The following ANKFN1 variants were observed in gnomAD, a reference collection of about 807,000 sequenced individuals.
ANKFN1 encodes the protein ankyrin repeat and fibronectin type-III domain-containing protein 1.
A neutral mutation model predicts 108.7 loss-of-function variants in ANKFN1; 74 were observed. That is an observed-to-expected ratio of 0.68 (90% CI 0.56 to 0.83). The LOEUF is 0.83. Among genes scored for constraint, ANKFN1 ranks in the 40% least tolerant of loss-of-function variants. ANKFN1 has a pLI of 0.00. For synonymous variants in ANKFN1, 547 were observed against 516.2 expected, an observed-to-expected ratio of 1.06 and a Z score of -0.81; for missense variants, 1,505 against 1,382.3, an observed-to-expected ratio of 1.09 and a Z score of -1.41.
At chr17:56,183,126 A>T (rs1455330103) in intron 1 of ANKFN1, among the ~76,000 whole-genome samples, 1 of 152,208 alleles carries the variant, frequency 6.6e-6, no homozygotes, top group Non-Finnish European at 1.5e-5. Flanking sequence ...TGTTGTTGTC[A>T]TGCCTGCTAA....
In ANKFN1 at chr17:56,511,131, C is replaced by T. The variant is rs2051750480; in HGVS notation, c.3303C>T (p.Ala1101=). The T allele has an allele frequency of 2.0e-6, 3 of 1,535,998 alleles. No homozygotes were observed. Among genetic ancestry groups the T allele is most frequent in the East Asian group, 4.9e-5 (2 of 40,892 alleles). ...AGCCCTACGCAGCGGCCGTGGTGGC[C>T]CAGGACGAAAAACCATGGGCAAGCT... ...YVEPYAAAVV[A]QDEKPWASLS... The change falls in exon 21 of 21, where the codon GCC becomes GCT. Residue 1101 remains alanine (A), a synonymous_variant. Coordinates refer to ENST00000682825, the MANE Select transcript of ANKFN1 (RefSeq NM_001370326.1).
chr17:56,473,150 T>C (rs1355371300), intron 15 of ANKFN1: 1 of 152,186 alleles, frequency 6.6e-6, no homozygotes, highest in African/African-American at 2.4e-5. Flanking sequence ...ACAAGACTGA[T>C]ACATAGTAAG....
intron 4 of ANKFN1, among the ~76,000 whole-genome samples, chr17:56,067,317 G>C (rs1211648056): frequency 6.6e-6 from 1 of 152,054 alleles, no homozygotes; most frequent in Non-Finnish European, 1.5e-5. Context: ...TTTCTTGACT[G>C]TGTTTATTAC....
intron 15 of ANKFN1, chr17:56,471,179 G>T (rs2050305091): frequency 2.0e-5 from 3 of 152,668 alleles, no homozygotes; most frequent in Non-Finnish European, 2.9e-5. Flanking sequence ...AACTAGAAGA[G>T]GGACCAAACC....
intron 18 of ANKFN1, 37 bp downstream of exon 18, chr17:56,482,561 G>A: frequency 6.3e-7 from 1 of 1,595,686 alleles, no homozygotes; most frequent in African/African-American, 1.3e-5. Flanking sequence ...TATTAACCCA[G>A]CCTCCTTATA....
Position 56,307,671 on chromosome 17 carries a change from G to A in ANKFN1, c.54-18550G>A, listed in dbSNP as rs1236865652. Among the ~76,000 whole-genome samples, 11 of 152,298 alleles carry A rather than the reference G, an allele frequency of 7.2e-5. No individual in the cohort carries two copies. The South Asian group carries it at 1.0e-3, about 14-fold the overall frequency. On this transcript the variant is annotated intron_variant, in intron 3 of 20. Coordinates refer to ENST00000682825, the MANE Select transcript of ANKFN1 (RefSeq NM_001370326.1). ...CAACCATTGTGGAAGTCAGTGTGGCGATTCCTCGGGGATCTAGAACTAGAA... is the reference window on the plus strand; with the variant it reads ...CAACCATTGTGGAAGTCAGTGTGGCAATTCCTCGGGGATCTAGAACTAGAA...
At chr17:56,185,527 A>C (rs1206004445) in intron 1 of ANKFN1, among the ~76,000 whole-genome samples, 1 of 152,126 alleles carries the variant, frequency 6.6e-6, no homozygotes, top group East Asian at 1.9e-4. Flanking sequence ...AAAATGGCCT[A>C]CAAATATGTT....
At chr17:56,460,412 C>G (rs557390595) in intron 14 of ANKFN1, among the ~76,000 whole-genome samples, 150 of 151,958 alleles carry the variant, frequency 9.9e-4, no homozygotes, top group Non-Finnish European at 2.0e-3. Flanking sequence ...GAGATCGTGT[C>G]CCTGCACTCC....
Position 56,231,940 on chromosome 17 carries a change from C to T in ANKFN1, c.53+3983C>T, listed in dbSNP as rs574695940. Reference sequence around the variant, plus strand: ...CACAACATCTTCTCTCGAAGCCCTTCCTCTATCTCATATGGTAGCCTAATC... The same window carrying T: ...CACAACATCTTCTCTCGAAGCCCTTTCTCTATCTCATATGGTAGCCTAATC... On this transcript the variant is annotated intron_variant, in intron 3 of 20. Coordinates refer to ENST00000682825, the MANE Select transcript of ANKFN1 (RefSeq NM_001370326.1). 5.3e-5 allele frequency among the ~76,000 whole-genome samples: 8 copies of T among 152,190 alleles called. No homozygotes were observed. The East Asian group carries it at 1.5e-3, about 29-fold the overall frequency.
rs1379429207 is a variant in ANKFN1 at position 56,191,417 on chromosome 17, A to G, written c.-70-21181A>G. Among the ~76,000 whole-genome samples the G allele has an allele frequency of 3.3e-5, 2 of 60,978 alleles. 1 individual carries two copies. The highest frequency in any genetic ancestry group is 5.3e-5 in the Non-Finnish European group (2 of 38,012). The allele number at this position is 60,978 out of a possible 152,430, so 40.0% of individuals were successfully genotyped here. Reference sequence around the variant, plus strand: ...ATTTTAGGGCAGGCCTGATGGTGACAAAATCGGTCAGCATTTGCTTGTCTG... The same window carrying G: ...ATTTTAGGGCAGGCCTGATGGTGACGAAATCGGTCAGCATTTGCTTGTCTG... On this transcript the variant is annotated intron_variant, in intron 1 of 20. Transcript: ENST00000682825.
At chr17:56,120,187 T>C (rs1906528171) in intron 4 of ANKFN1, among the ~76,000 whole-genome samples, 1 of 152,164 alleles carries the variant, frequency 6.6e-6, no homozygotes. Context: ...GTCATCATTG[T>C]CATTATCATT....
chr17:56,344,495 G>A (rs1251575193), intron 4 of ANKFN1, among the ~76,000 whole-genome samples: 1 of 151,984 alleles, frequency 6.6e-6, no homozygotes, highest in Non-Finnish European at 1.5e-5. Context: ...GTCAGACAGA[G>A]ATGAGATTTT....
At chr17:56,494,605 T>G (rs1456078166) in intron 19 of ANKFN1, among the ~76,000 whole-genome samples, 3 of 152,022 alleles carry the variant, frequency 2.0e-5, no homozygotes. Flanking sequence ...GGAGCACACA[T>G]TTTTAGTCCC....
intron 1 of ANKFN1, among the ~76,000 whole-genome samples, chr17:56,196,225 C>T (rs1377602902): frequency 6.6e-6 from 1 of 152,174 alleles, no homozygotes; most frequent in African/African-American, 2.4e-5. Context: ...CACTGTGCTC[C>T]AGCTTAGGCA....
At chr17:56,320,006 G>A (rs1446679549) in intron 3 of ANKFN1, among the ~76,000 whole-genome samples, 1 of 152,076 alleles carries the variant, frequency 6.6e-6, no homozygotes, top group Non-Finnish European at 1.5e-5. Flanking sequence ...AGAGACCTGG[G>A]TCTGAGTCTC....
At chr17:56,337,079 A>C (rs2045831595) in intron 4 of ANKFN1, among the ~76,000 whole-genome samples, 1 of 152,176 alleles carries the variant, frequency 6.6e-6, no homozygotes, top group East Asian at 1.9e-4. Context: ...CTGTGGTCTG[A>C]GAGACAGTTT....
At chr17:56,272,784 C>A (rs1408107929) in intron 3 of ANKFN1, among the ~76,000 whole-genome samples, 3 of 152,100 alleles carry the variant, frequency 2.0e-5, no homozygotes, top group Non-Finnish European at 4.4e-5. Flanking sequence ...TTTTACACTC[C>A]CACCAATGGT....
chr17:56,297,859 A>C (rs2044558305), intron 3 of ANKFN1, among the ~76,000 whole-genome samples: 1 of 152,240 alleles, frequency 6.6e-6, no homozygotes, highest in Non-Finnish European at 1.5e-5. Flanking sequence ...ACTGTACAAC[A>C]CTGGGGAGTG....
At chr17:56,085,510 G>A (rs1439466850) in intron 4 of ANKFN1, among the ~76,000 whole-genome samples, 6 of 151,048 alleles carry the variant, frequency 4.0e-5, no homozygotes, top group East Asian at 3.9e-4. Context: ...CCAATACCTC[G>A]ATTTCAGACT....
Sources: allele counts gnomAD v4.1 joint callset (sites outside exome capture counted in the v4.1 genomes callset), GRCh38; gene constraint gnomAD v4.1.1; transcripts MANE v1.5; gene names NCBI Gene and HGNC (gene_info 2026-07-23, HGNC 2026-07-21).